BAZ2B: variants seen among roughly 807,000 people sequenced by gnomAD.
BAZ2B encodes bromodomain adjacent to zinc finger domain 2B.
BAZ2B carries 91 observed loss-of-function variants against 246.0 expected under a neutral mutation model. That is an observed-to-expected ratio of 0.37 (90% CI 0.31 to 0.44). The LOEUF (loss-of-function observed/expected upper bound fraction) is 0.44, where lower values mean the gene tolerates loss of function less well. Among genes scored for constraint, BAZ2B ranks in the 20% least tolerant of loss-of-function variants. The probability of loss-of-function intolerance (pLI) is 1.00; values close to 1 mark genes in which losing one functional copy is unlikely to be tolerated. For missense variants in BAZ2B, 2,332 were observed against 2,533.7 expected (o/e 0.92, Z 1.71); for synonymous variants, 855 against 860.0 (o/e 0.99, Z 0.10).
chr2:159,500,640 T>A (rs924364817), intron 2 of BAZ2B, among the ~76,000 whole-genome samples: 1 of 152,150 alleles, frequency 6.6e-6, no homozygotes, highest in Non-Finnish European at 1.5e-5. Flanking sequence ...TGTCTTAATA[T>A]CACCTGCATT....
chr2:159,555,784 C>T (rs2089030271), intron 2 of BAZ2B, 39 bp downstream of exon 2: 1 of 137,058 alleles, frequency 7.3e-6, no homozygotes. Flanking sequence ...CAGAGAAAAC[C>T]AAACTTCCTT....
At chr2:159,704,892 C>T in the BAZ2B span, among the ~76,000 whole-genome samples, 11 of 151,906 alleles carry the variant, frequency 7.2e-5, no homozygotes, top group African/African-American at 2.7e-4. Context: ...TTAATAGAGA[C>T]GAGGTTTCAC....
intron 2 of BAZ2B, among the ~76,000 whole-genome samples, chr2:159,529,554 C>A (rs1267089734): frequency 6.6e-6 from 1 of 152,158 alleles, no homozygotes; most frequent in Non-Finnish European, 1.5e-5. Flanking sequence ...AAACTGTCAT[C>A]TTATTGGAGA....
intron 25 of BAZ2B, among the ~76,000 whole-genome samples, chr2:159,377,673 C>G (rs532125910): frequency 6.6e-6 from 1 of 151,746 alleles, no homozygotes; most frequent in East Asian, 1.9e-4. Flanking sequence ...ATTAGCTGGG[C>G]GTGGTGGCAG....
At chr2:159,334,999 G>A (rs932142870) in intron 33 of BAZ2B, among the ~76,000 whole-genome samples, 4 of 151,846 alleles carry the variant, frequency 2.6e-5, no homozygotes, top group African/African-American at 7.3e-5. Context: ...CTACAGCCTC[G>A]AACTCTTGGG....
At chr2:159,421,083 C>G (rs1559352328) in intron 13 of BAZ2B, among the ~76,000 whole-genome samples, 1 of 152,114 alleles carries the variant, frequency 6.6e-6, no homozygotes, top group Non-Finnish European at 1.5e-5. Context: ...GTAGCCGATG[C>G]TACAAATTCC....
rs181372036 is a variant in BAZ2B, at chr2:159,358,603, C to A, written c.4214-8246G>T. 1.4e-4 allele frequency among the ~76,000 whole-genome samples: 21 copies of A among 152,282 alleles called. No homozygotes were observed. In the East Asian group the frequency reaches 4.0e-3, roughly 29 times the overall value. On this transcript the variant is annotated intron_variant, in intron 27 of 36. Transcript: ENST00000392783. Reference sequence around the variant, plus strand: ...TTCAGGATTTGAATCAGCTCTGGACCAAGAGGACCTAATAGACATCTACAG... The same window carrying A: ...TTCAGGATTTGAATCAGCTCTGGACAAAGAGGACCTAATAGACATCTACAG...
chr2:159,399,614 C>G (rs1482399806), intron 17 of BAZ2B, among the ~76,000 whole-genome samples: 1 of 152,006 alleles, frequency 6.6e-6, no homozygotes, highest in African/African-American at 2.4e-5. Flanking sequence ...CTAGTAGTTA[C>G]TGTCAGTTTA....
At chr2:159,681,807 C>G in the BAZ2B span, among the ~76,000 whole-genome samples, 1 of 152,124 alleles carries the variant, frequency 6.6e-6, no homozygotes, top group Non-Finnish European at 1.5e-5. Context: ...TGCCTGTAAT[C>G]CCAGCTACTC....
chr2:159,448,268 T>C lies in BAZ2B; in HGVS notation c.476A>G (p.Lys159Arg), dbSNP rs375198595. The change falls in exon 5 of 37, where the codon AAA becomes AGA. Residue 159 changes from lysine (K) to arginine (R), a missense_variant. Physicochemically the swap from Lys to Arg is conservative, Grantham distance 26. This residue lies in a region of BAZ2B where 242 missense variants were observed against 237.4 expected (regional missense o/e 1.02). Coordinates refer to ENST00000392783, the MANE Select transcript of BAZ2B (RefSeq NM_013450.4). ...SSSFHSRTSG[K>R]SNRNGPEKGV... Reference sequence around the variant, plus strand: ...TTTTTCGGGACCATTTCGATTACTTTTTCCCGAAGTCCTTGAATGGAATGA... The same window carrying C: ...TTTTTCGGGACCATTTCGATTACTTCTTCCCGAAGTCCTTGAATGGAATGA... 3 of 1,612,744 alleles carry C rather than the reference T, an allele frequency of 1.9e-6. No individual in the cohort carries two copies. The highest frequency in any genetic ancestry group is 2.5e-6 in the Non-Finnish European group (3 of 1,179,670).
At chr2:159,607,137 G>A (rs1188160558) in intron 1 of BAZ2B, among the ~76,000 whole-genome samples, 3 of 152,126 alleles carry the variant, frequency 2.0e-5, no homozygotes, top group Non-Finnish European at 2.9e-5. Flanking sequence ...TTACAGGCAT[G>A]AGCCACCACG....
chr2:159,384,179 G>A (rs1203126023), intron 23 of BAZ2B, among the ~76,000 whole-genome samples: 2 of 151,858 alleles, frequency 1.3e-5, no homozygotes, highest in East Asian at 3.9e-4. Flanking sequence ...AGTCAAATAG[G>A]GATGCTTTTT....
intron 3 of BAZ2B, chr2:159,461,934 T>C (rs894678641): frequency 1.8e-4 from 28 of 153,534 alleles, no homozygotes; most frequent in African/African-American, 6.8e-4. Flanking sequence ...GGGAGAAGGA[T>C]GAATGTGCCT....
At chr2:159,657,459 C>T in the BAZ2B span, among the ~76,000 whole-genome samples, 27 of 152,194 alleles carry the variant, frequency 1.8e-4, no homozygotes, top group African/African-American at 6.3e-4. Context: ...TTTGTCTTTA[C>T]GTATAAACTT....
chr2:159,335,932 G>A (rs2065592583), intron 33 of BAZ2B, among the ~76,000 whole-genome samples: 1 of 152,166 alleles, frequency 6.6e-6, no homozygotes. Context: ...AGGCTGAGGT[G>A]GGCGGATCAC....
rs913943787 is a variant in BAZ2B, at chr2:159,476,259, TA to T, written c.145+2315del. 1.0e-3 allele frequency among the ~76,000 whole-genome samples: 155 copies of T among 151,524 alleles called. 1 individual carries two copies. Among genetic ancestry groups the T allele is most frequent in the Admixed American group, 3.4e-3 (51 of 15,202 alleles). ...ACATGGACTACAACACTGTGAAAGT[TA>T]AAAAAAAATTATTTTACCTACAAAA... is the stretch of plus-strand genomic sequence containing the variant. On this transcript the variant is annotated intron_variant, in intron 3 of 36. Transcript: ENST00000392783.
At chr2:159,408,802 C>A (rs937756531) in intron 14 of BAZ2B, among the ~76,000 whole-genome samples, 17 of 152,094 alleles carry the variant, frequency 1.1e-4, no homozygotes, top group Non-Finnish European at 2.2e-4. Flanking sequence ...TGCCTGTAAT[C>A]CCAGCTACTC....
At chr2:159,586,325 GT>G in intron 1 of BAZ2B, among the ~76,000 whole-genome samples, 1 of 152,170 alleles carries the variant, frequency 6.6e-6, no homozygotes, top group South Asian at 2.1e-4. Flanking sequence ...AAACAGTTTT[GT>G]TTTGATTTTT....
intron 28 of BAZ2B, 86 bp downstream of exon 28, chr2:159,349,622 G>T: frequency 7.4e-7 from 1 of 1,353,114 alleles, no homozygotes; most frequent in Non-Finnish European, 1.0e-6. Flanking sequence ...TTAACTATCT[G>T]AGTGAGCCCC....
Sources: allele counts gnomAD v4.1 joint callset (sites outside exome capture counted in the v4.1 genomes callset), GRCh38; gene constraint gnomAD v4.1.1; regional missense constraint gnomAD v4.1.1; transcripts MANE v1.5; gene names NCBI Gene and HGNC (gene_info 2026-07-23, HGNC 2026-07-21).